THSD7A: variants seen among roughly 807,000 people sequenced by gnomAD.
The protein encoded by THSD7A is thrombospondin type-1 domain-containing protein 7A.
A neutral mutation model predicts 231.3 loss-of-function variants in THSD7A; 96 were observed. That is an observed-to-expected ratio of 0.41 (90% confidence interval 0.35 to 0.49). THSD7A has a LOEUF of 0.49. Ranked by LOEUF, THSD7A falls within the 20% of genes least tolerant of loss-of-function variation. The probability of loss-of-function intolerance (pLI) is 0.05; values close to 1 mark genes in which losing one functional copy is unlikely to be tolerated. For synonymous variants in THSD7A, 940 were observed against 743.3 expected (o/e 1.26, Z -4.30); for missense variants, 2,290 against 2,070.2 (o/e 1.11, Z -2.06).
chr7:11,446,654 G>A lies in THSD7A; in HGVS notation c.2801-330C>T, dbSNP rs908099396. 3.9e-5 allele frequency among the ~76,000 whole-genome samples: 6 copies of A among 151,970 alleles called. No homozygotes were observed. Among genetic ancestry groups the A allele is most frequent in the African/African-American group, 1.5e-4 (6 of 41,366 alleles). Reference sequence around the variant, plus strand: ...TTCGACAGTCTTCATTACATAGGTGGTTCATTTTTTAACTTAAATTCTGAG... The same window carrying A: ...TTCGACAGTCTTCATTACATAGGTGATTCATTTTTTAACTTAAATTCTGAG... On this transcript the variant is annotated intron_variant, in intron 12 of 27. Coordinates refer to ENST00000423059, the MANE Select transcript of THSD7A (RefSeq NM_015204.3). This position sits in a 1 kb window ranked among gnomAD's most constrained non-coding sequence, Gnocchi z 4.0.
intron 4 of THSD7A, among the ~76,000 whole-genome samples, chr7:11,559,528 T>TAAATCCATATATAC (rs1404571802): frequency 6.6e-6 from 1 of 151,146 alleles, no homozygotes; most frequent in African/African-American, 2.4e-5. Flanking sequence ...TCCATATATA[T>TAAATCCATATATAC]ATATATAAAT....
chr7:11,560,661 A>G (rs1790039602), intron 4 of THSD7A, among the ~76,000 whole-genome samples: 1 of 152,052 alleles, frequency 6.6e-6, no homozygotes, highest in Non-Finnish European at 1.5e-5. Context: ...CATTTATTGA[A>G]ACTCCTTAAA....
intron 1 of THSD7A, among the ~76,000 whole-genome samples, chr7:11,656,890 A>G (rs2128371321): frequency 6.6e-6 from 1 of 151,982 alleles, no homozygotes; most frequent in South Asian, 2.1e-4. Flanking sequence ...ACAAAGGACA[A>G]ACATTTGTTA....
chr7:11,769,143 A>ATTTTTT (rs1306458383), intron 1 of THSD7A, among the ~76,000 whole-genome samples: 11 of 35,294 alleles, frequency 3.1e-4, no homozygotes, highest in African/African-American at 8.8e-4. Context: ...ATATATATAT[A>ATTTTTT]TATATATATA....
chr7:11,770,468 A>T (rs1783186328), intron 1 of THSD7A, among the ~76,000 whole-genome samples: 1 of 152,164 alleles, frequency 6.6e-6, no homozygotes, highest in African/African-American at 2.4e-5. Flanking sequence ...TTAAAGAGCA[A>T]GGTTAATTCT....
intron 1 of THSD7A, among the ~76,000 whole-genome samples, chr7:11,759,256 A>T (rs140698835): frequency 3.1e-4 from 47 of 152,236 alleles, no homozygotes; most frequent in Admixed American, 7.2e-4. Context: ...GAATATCAAT[A>T]TGTAGTGAAA....
At chr7:11,709,468 T>C (rs1001795053) in intron 1 of THSD7A, among the ~76,000 whole-genome samples, 15 of 150,798 alleles carry the variant, frequency 9.9e-5, no homozygotes, top group African/African-American at 3.6e-4. Flanking sequence ...GTGAGTTGAA[T>C]CACTTATGAA....
At chr7:11,420,735 A>G (rs933413130) in intron 16 of THSD7A, among the ~76,000 whole-genome samples, 3 of 152,188 alleles carry the variant, frequency 2.0e-5, no homozygotes, top group Admixed American at 2.0e-4. Context: ...GAAAAGCTAT[A>G]GACACTCAAT....
intron 1 of THSD7A, among the ~76,000 whole-genome samples, chr7:11,722,708 C>G (rs1781401665): frequency 6.6e-6 from 1 of 151,894 alleles, no homozygotes. Context: ...TTTATGCAGC[C>G]AAAAGACACA....
chr7:11,408,581 C>T (rs943189132), intron 19 of THSD7A, among the ~76,000 whole-genome samples: 7 of 151,746 alleles, frequency 4.6e-5, no homozygotes, highest in African/African-American at 1.7e-4. Context: ...GTTTTTAAAA[C>T]TAGTAATTCT....
chr7:11,579,695 G>A (rs1791074370), intron 4 of THSD7A, among the ~76,000 whole-genome samples: 6 of 152,110 alleles, frequency 3.9e-5, no homozygotes, highest in Admixed American at 2.0e-4. Flanking sequence ...TAAAGATTTA[G>A]AGCTCAGGGA....
rs967438861 is a variant in THSD7A at position 11,436,533 on chromosome 7, A to G, written c.3065-7408T>C. Among the ~76,000 whole-genome samples, 5 of 152,214 alleles carry G rather than the reference A, an allele frequency of 3.3e-5. No individual in the cohort carries two copies. In the East Asian group the frequency reaches 5.8e-4, roughly 18 times the overall value. On this transcript the variant is annotated intron_variant, in intron 13 of 27. Transcript: ENST00000423059. ...ATGACTCTCTGAGAGAATGACTCAG[A>G]TACTGCATTCCCATAATTACTGACT...
intron 6 of THSD7A, among the ~76,000 whole-genome samples, chr7:11,502,586 C>G (rs185285349): frequency 2.6e-5 from 4 of 151,978 alleles, no homozygotes; most frequent in South Asian, 2.1e-4. Flanking sequence ...ATTCAACATC[C>G]CTTCATCTTA....
intron 2 of THSD7A, among the ~76,000 whole-genome samples, chr7:11,622,171 T>G (rs535555624): frequency 1.3e-5 from 2 of 152,228 alleles, no homozygotes; most frequent in East Asian, 3.9e-4. Context: ...TAAAGGTACA[T>G]ATACCTAAAA....
At chr7:11,537,498 T>C (rs906734327) in intron 6 of THSD7A, among the ~76,000 whole-genome samples, 3 of 152,074 alleles carry the variant, frequency 2.0e-5, no homozygotes, top group Non-Finnish European at 4.4e-5. Flanking sequence ...GTGTGGCATC[T>C]CTCTCTTCTC....
At chr7:11,769,199 G>T (rs1343048926) in intron 1 of THSD7A, among the ~76,000 whole-genome samples, 8 of 121,258 alleles carry the variant, frequency 6.6e-5, no homozygotes, top group African/African-American at 9.5e-5. Context: ...GTTTCACTAT[G>T]TTAGCCAGGC....
chr7:11,424,843 G>T lies in THSD7A; in HGVS notation c.3250-14C>A. The stretch of plus-strand genomic sequence containing the variant: ...AACCTCATACACCTGAAACACACAT[G>T]GTTCTCAGCAATCTCAGGGAATCTG... On this transcript the variant is annotated splice_polypyrimidine_tract_variant and intron_variant, in intron 15 of 27. Coordinates refer to ENST00000423059, the MANE Select transcript of THSD7A (RefSeq NM_015204.3). 1 of 1,613,570 alleles carries T rather than the reference G, an allele frequency of 6.2e-7. No individual in the cohort carries two copies. The highest frequency in any genetic ancestry group is 1.1e-5 in the South Asian group (1 of 90,960).
intron 17 of THSD7A, among the ~76,000 whole-genome samples, chr7:11,413,266 C>T (rs1783846000): frequency 6.6e-6 from 1 of 151,820 alleles, no homozygotes; most frequent in Non-Finnish European, 1.5e-5. Context: ...AATTCTAAAT[C>T]CTAATTTTAA....
intron 1 of THSD7A, among the ~76,000 whole-genome samples, chr7:11,772,296 C>G (rs1320887925): frequency 6.6e-6 from 1 of 152,122 alleles, no homozygotes; most frequent in African/African-American, 2.4e-5. Context: ...AGTTCAGCCA[C>G]TGTGGAAAGC....
Sources: allele counts gnomAD v4.1 joint callset (sites outside exome capture counted in the v4.1 genomes callset), GRCh38; gene constraint gnomAD v4.1.1; non-coding constraint Gnocchi (gnomAD v3.1); transcripts MANE v1.5; gene names NCBI Gene and HGNC (gene_info 2026-07-23, HGNC 2026-07-21).